CXCR2: variants seen among roughly 807,000 people sequenced by gnomAD.
CXCR2 encodes the protein C-X-C chemokine receptor type 2.
Under a neutral mutation model 3.7 loss-of-function variants are expected in CXCR2, and 2 were observed. The observed-to-expected ratio is 0.55, with a 90% CI of 0.22 to 1.72. CXCR2 has a LOEUF of 1.72. CXCR2 is among the 40% of genes most tolerant of loss of function. The pLI, the probability that CXCR2 is intolerant of heterozygous loss-of-function variation, is 0.19. For synonymous variants in CXCR2, 203 were observed against 193.3 expected, an observed-to-expected ratio of 1.05 and a Z score of -0.41; for missense variants, 351 against 450.1, an observed-to-expected ratio of 0.78 and a Z score of 1.99.
rs189767843 is a variant in CXCR2, at chr2:218,134,757, C to G, written c.-25-20C>G. The G allele has an allele frequency of 6.4e-7, 1 of 1,574,608 alleles. No homozygotes were observed. ...ATATGGGGAATTTATTATGCAGTAA[C>G]CTTCATCTCTCTTCTATAGGTCAGG... On this transcript the variant is annotated intron_variant, in intron 2 of 2. Coordinates refer to ENST00000318507, the MANE Select transcript of CXCR2 (RefSeq NM_001557.4).
rs1388934138 is a variant in CXCR2 at position 218,129,310 on chromosome 2, A to G, written c.-77-4A>G. 1 of 152,318 alleles carries G rather than the reference A, an allele frequency of 6.6e-6. No homozygotes were observed. The highest frequency in any genetic ancestry group is 1.5e-5 in the Non-Finnish European group (1 of 68,048). The allele number at this position is 152,318 out of a possible 1,614,324, so 9.4% of individuals were successfully genotyped here. ...GTGTTCTCACCACCACCTCCCTTTC[A>G]TAGGTCACAGCTGCTCTTCTGGAGG... On this transcript the variant is annotated splice_polypyrimidine_tract_variant and splice_region_variant and intron_variant, in intron 1 of 2. Coordinates refer to ENST00000318507, the MANE Select transcript of CXCR2 (RefSeq NM_001557.4).
chr2:218,135,710 C>A lies in CXCR2; in HGVS notation c.909C>A (p.Gly303=). 6.2e-7 allele frequency: 1 copy of A among 1,614,142 alleles called. No homozygotes were observed. Among genetic ancestry groups the A allele is most frequent in the Non-Finnish European group, 8.5e-7 (1 of 1,180,020 alleles). Residue 303 remains glycine (G), a synonymous_variant, in exon 3 of 3, where the codon GGC becomes GGA. Coordinates refer to ENST00000318507, the MANE Select transcript of CXCR2 (RefSeq NM_001557.4). This position sits in a 1 kb window ranked among gnomAD's most constrained non-coding sequence, Gnocchi z 4.0. ...CTCTGGATGCCACCGAGATTCTGGG[C>A]ATCCTTCACAGCTGCCTCAACCCCC... ...DRALDATEIL[G]ILHSCLNPLI...
chr2:218,136,156 G>C lies in CXCR2; in HGVS notation c.*272G>C, dbSNP rs981410176. The C allele has an allele frequency of 1.0e-4, 39 of 376,076 alleles. 1 individual carries two copies. The Admixed American group carries it at 1.7e-3, about 16-fold the overall frequency. 23.3% of individuals were successfully genotyped at this position (376,076 alleles called of 1,614,324 possible). A position where few individuals can be genotyped will look rare whatever the true frequency, so the allele number is the denominator to read the frequency against. ...CCCATGGCACTCTATGTTCTAAGAA[G>C]TGAAAATCTACACTCCAGTGAGACA... On this transcript the variant is annotated 3_prime_UTR_variant, in exon 3 of 3. Transcript: ENST00000318507.
rs946842018 is a variant in CXCR2 at position 218,137,065 on chromosome 2, A to T, written c.*1181A>T. ...TTAATGCCACTAAATTGACACTTAA[A>T]AATGGTTTAAATGGTCAATTTTGTT... On this transcript the variant is annotated 3_prime_UTR_variant, in exon 3 of 3. Coordinates refer to ENST00000318507, the MANE Select transcript of CXCR2 (RefSeq NM_001557.4). 1.8e-5 allele frequency: 3 copies of T among 167,078 alleles called. No individual in the cohort carries two copies. Among genetic ancestry groups the T allele is most frequent in the Non-Finnish European group, 4.4e-5 (3 of 68,106 alleles). The allele number at this position is 167,078 out of a possible 1,614,324, so 10.3% of individuals were successfully genotyped here.
chr2:218,132,618 T>C (rs1178255715), intron 2 of CXCR2, among the ~76,000 whole-genome samples: 1 of 152,248 alleles, frequency 6.6e-6, no homozygotes. Flanking sequence ...CTCAGCATGT[T>C]ACTGTACTAA....
At chr2:218,133,141 G>T (rs1024346730) in intron 2 of CXCR2, among the ~76,000 whole-genome samples, 2 of 152,010 alleles carry the variant, frequency 1.3e-5, no homozygotes, top group East Asian at 1.9e-4. Context: ...GTTCCATTTT[G>T]GGGGTAGATT....
At chr2:218,130,735 C>A (rs1324050237) in intron 2 of CXCR2, 3 of 152,246 alleles carry the variant, frequency 2.0e-5, no homozygotes, top group Admixed American at 6.5e-5. Context: ...CATCTCCTTC[C>A]CTTAGTTTGT....
chr2:218,134,733 T>C, intron 2 of CXCR2, 44 bp from the exon 3 acceptor site: 1 of 1,517,576 alleles, frequency 6.6e-7, no homozygotes, highest in Non-Finnish European at 8.9e-7. Flanking sequence ...TGGGCAAGAA[T>C]ATGGGGAATT....
rs141722043 is a variant in CXCR2, at chr2:218,135,231, C to T, written c.430C>T (p.Arg144Cys). The change falls in exon 3 of 3, where the codon CGT becomes TGT. Residue 144 changes from arginine (R) to cysteine (C), a missense_variant. Physicochemically the swap from Arg to Cys is radical, Grantham distance 180 (BLOSUM62 -3). Coordinates refer to ENST00000318507, the MANE Select transcript of CXCR2 (RefSeq NM_001557.4). The surrounding 1 kb of genome is among the most constrained non-coding windows in gnomAD (Gnocchi z 4.0). ...ILLLACISVDRYLAIVHATRT... is the reference protein window; with the variant it reads ...ILLLACISVDCYLAIVHATRT... ...GCTACTGGCCTGCATCAGTGTGGACCGTTACCTGGCCATTGTCCATGCCAC... is the reference window on the plus strand; with the variant it reads ...GCTACTGGCCTGCATCAGTGTGGACTGTTACCTGGCCATTGTCCATGCCAC... 37 of 1,614,062 alleles carry T rather than the reference C, an allele frequency of 2.3e-5. No homozygotes were observed. The highest frequency in any genetic ancestry group is 8.3e-5 in the Admixed American group (5 of 60,010).
intron 1 of CXCR2, among the ~76,000 whole-genome samples, chr2:218,127,771 G>A (rs1194589580): frequency 6.6e-6 from 1 of 152,152 alleles, no homozygotes; most frequent in Admixed American, 6.5e-5. Context: ...TGCCTGCTTC[G>A]TGAGGTTATC....
chr2:218,135,343 T>C lies in CXCR2; in HGVS notation c.542T>C (p.Leu181Ser). 6.2e-7 allele frequency: 1 copy of C among 1,614,194 alleles called. No individual in the cohort carries two copies. The highest frequency in any genetic ancestry group is 1.1e-5 in the South Asian group (1 of 91,084). Residue 181 changes from leucine (L) to serine (S), a missense_variant, in exon 3 of 3, where the codon TTA becomes TCA. Coordinates refer to ENST00000318507, the MANE Select transcript of CXCR2 (RefSeq NM_001557.4). This position sits in a 1 kb window ranked among gnomAD's most constrained non-coding sequence, Gnocchi z 4.0. ...TCCTTGCTCCTGGCCCTGCCTGTCT[T>C]ACTTTTCCGAAGGACCGTCTACTCA... ...GLSLLLALPV[L>S]LFRRTVYSSN... is the part of the protein sequence containing the mutation.
In CXCR2 at chr2:218,135,815, C is replaced by T. The variant is rs1031105472; in HGVS notation, c.1014C>T (p.Asp338=). Residue 338 remains aspartate (D), a synonymous_variant, in exon 3 of 3, where the codon GAC becomes GAT. Coordinates refer to ENST00000318507, the MANE Select transcript of CXCR2 (RefSeq NM_001557.4). The surrounding 1 kb of genome is among the most constrained non-coding windows in gnomAD (Gnocchi z 4.0). ...CTATACATGGCTTGATCAGCAAGGA[C>T]TCCCTGCCCAAAGACAGCAGGCCTT... ...ILAIHGLISK[D]SLPKDSRPSF... 1 of 1,614,116 alleles carries T rather than the reference C, an allele frequency of 6.2e-7. No homozygotes were observed. The highest frequency in any genetic ancestry group is 1.1e-5 in the South Asian group (1 of 91,084).
chr2:218,131,164 A>T (rs920140777), intron 2 of CXCR2, among the ~76,000 whole-genome samples: 1 of 152,154 alleles, frequency 6.6e-6, no homozygotes, highest in Non-Finnish European at 1.5e-5. Context: ...CCCTACATCT[A>T]CTCTCAAAGA....
intron 2 of CXCR2, among the ~76,000 whole-genome samples, chr2:218,130,149 G>A (rs1005196408): frequency 6.6e-6 from 1 of 152,160 alleles, no homozygotes; most frequent in Non-Finnish European, 1.5e-5. Context: ...TGCTGGGCAC[G>A]GTGGCTTACA....
intron 2 of CXCR2, among the ~76,000 whole-genome samples, chr2:218,133,676 G>A (rs1387492163): frequency 6.6e-6 from 1 of 152,194 alleles, no homozygotes; most frequent in Non-Finnish European, 1.5e-5. Flanking sequence ...TGTGGCAAGG[G>A]CAGAGCCCCA....
At chr2:218,127,352 C>G (rs1211386188) in intron 1 of CXCR2, among the ~76,000 whole-genome samples, 2 of 152,202 alleles carry the variant, frequency 1.3e-5, no homozygotes, top group East Asian at 1.9e-4. Context: ...TTCTGTAACT[C>G]CTGGCCTCGA....
intron 2 of CXCR2, among the ~76,000 whole-genome samples, chr2:218,130,148 C>T (rs1559451443): frequency 2.6e-5 from 4 of 152,240 alleles, no homozygotes; most frequent in South Asian, 2.1e-4. Context: ...TTGCTGGGCA[C>T]GGTGGCTTAC....
intron 1 of CXCR2, among the ~76,000 whole-genome samples, chr2:218,127,011 A>G (rs537752088): frequency 1.3e-5 from 2 of 152,110 alleles, no homozygotes; most frequent in South Asian, 4.1e-4. Flanking sequence ...ATAGCTACAC[A>G]TGGCTAGTAG....
At chr2:218,134,730 G>C in intron 2 of CXCR2, 47 bp from the exon 3 acceptor site, 1 of 1,516,344 alleles carries the variant, frequency 6.6e-7, no homozygotes. Flanking sequence ...GGATGGGCAA[G>C]AATATGGGGA....
Sources: gnomAD v4.1 joint callset for allele counts (sites outside exome capture counted in the v4.1 genomes callset) on GRCh38, gnomAD v4.1.1 for gene constraint, Gnocchi (gnomAD v3.1) non-coding constraint, MANE v1.5 for transcripts, NCBI Gene and HGNC (gene_info 2026-07-23, HGNC 2026-07-21) for gene names.